The following TCF7L1 variants were observed in gnomAD, a reference collection of about 807,000 sequenced individuals.
TCF7L1 encodes the protein transcription factor 7-like 1.
A neutral mutation model predicts 63.7 loss-of-function variants in TCF7L1; 18 were observed. The observed-to-expected ratio is 0.28, with a 90% CI of 0.20 to 0.42. The LOEUF is 0.42. Among genes scored for constraint, TCF7L1 ranks in the 10% least tolerant of loss-of-function variants. The pLI is 1.00. For missense variants in TCF7L1, 654 were observed against 779.3 expected, an observed-to-expected ratio of 0.84 and a Z score of 1.91; for synonymous variants, 355 against 340.9, an observed-to-expected ratio of 1.04 and a Z score of -0.46.
chr2:85,209,162 GT>G (rs11345909), intron 3 of TCF7L1, among the ~76,000 whole-genome samples: 77,938 of 151,986 alleles, frequency 0.51, 20,367 homozygotes, highest in African/African-American at 0.58. Context: ...GCTGGCCTTC[GT>G]TAAGTTAGGC....
intron 3 of TCF7L1, among the ~76,000 whole-genome samples, chr2:85,242,820 C>T (rs1194665455): frequency 1.3e-5 from 2 of 152,200 alleles, no homozygotes; most frequent in African/African-American, 4.8e-5. Context: ...TCTATATCCC[C>T]TTTTCTCTGC....
At chr2:85,135,585 A>G (rs1677573504) in intron 3 of TCF7L1, among the ~76,000 whole-genome samples, 2 of 151,744 alleles carry the variant, frequency 1.3e-5, no homozygotes, top group African/African-American at 4.8e-5. Context: ...GAGAAAGGCT[A>G]GGTGCTGAAT....
chr2:85,195,116 C>G (rs191761768), intron 3 of TCF7L1, among the ~76,000 whole-genome samples: 154 of 152,360 alleles, frequency 1.0e-3, no homozygotes, highest in African/African-American at 3.6e-3. Context: ...CACCAACTAC[C>G]TCCACTACCT....
At chr2:85,296,966 T>C (rs545786888) in intron 4 of TCF7L1, among the ~76,000 whole-genome samples, 1 of 152,296 alleles carries the variant, frequency 6.6e-6, no homozygotes, top group African/African-American at 2.4e-5. Context: ...TCTATAAAAC[T>C]CAATGAAAAT....
At chr2:85,180,961 G>T (rs57902955) in intron 3 of TCF7L1, among the ~76,000 whole-genome samples, 1 of 152,206 alleles carries the variant, frequency 6.6e-6, no homozygotes, top group Admixed American at 6.5e-5. Flanking sequence ...CTAACAGACG[G>T]TGGCCTTCCC....
chr2:85,185,565 C>T (rs1441407652), intron 3 of TCF7L1, among the ~76,000 whole-genome samples: 1 of 152,128 alleles, frequency 6.6e-6, no homozygotes, highest in Non-Finnish European at 1.5e-5. Flanking sequence ...GCCAGAGCTC[C>T]TCATGGAAGC....
At chr2:85,198,775 C>G (rs746693861) in intron 3 of TCF7L1, among the ~76,000 whole-genome samples, 5 of 152,126 alleles carry the variant, frequency 3.3e-5, no homozygotes, top group Non-Finnish European at 5.9e-5. Context: ...GCAGGAAGAT[C>G]GCATGAGCCC....
rs181491150 is a variant in TCF7L1 at position 85,133,640 on chromosome 2, C to A, written c.-45C>A. ...CGGGCCGGGCCGGGCAGGGCGCGGG[C>A]GGCTAGGGGCTCCGAGAGCGGCGGC... On this transcript the variant is annotated 5_prime_UTR_variant, in exon 1 of 12. Transcript: ENST00000282111. This position sits in a 1 kb window ranked among gnomAD's most constrained non-coding sequence, Gnocchi z 4.4. 0.065 allele frequency: 51,541 copies of A among 794,940 alleles called. 1,887 individuals carry two copies. Among genetic ancestry groups the A allele is most frequent in the Middle Eastern group, 0.11 (165 of 1,540 alleles). The allele number at this position is 794,940 out of a possible 1,614,324, so 49.2% of individuals were successfully genotyped here.
intron 3 of TCF7L1, among the ~76,000 whole-genome samples, chr2:85,195,158 C>T (rs1679126463): frequency 6.6e-6 from 1 of 152,242 alleles, no homozygotes; most frequent in Non-Finnish European, 1.5e-5. Flanking sequence ...AAGTTACCTA[C>T]CCTTTTCTCT....
intron 3 of TCF7L1, among the ~76,000 whole-genome samples, chr2:85,231,141 G>A (rs1248856249): frequency 1.3e-5 from 2 of 152,198 alleles, no homozygotes; most frequent in Non-Finnish European, 2.9e-5. Flanking sequence ...CAGGTCTAAT[G>A]TGCGCCCCCA....
chr2:85,205,130 T>C (rs547152765), intron 3 of TCF7L1: 1 of 152,340 alleles, frequency 6.6e-6, no homozygotes, highest in Non-Finnish European at 1.5e-5. Context: ...TGGTTAGAAT[T>C]TTTATTTTCT....
In TCF7L1 at chr2:85,139,978, AG is replaced by A. The variant is rs149193221; in HGVS notation, c.441+5529del. 5.1e-3 allele frequency among the ~76,000 whole-genome samples: 771 copies of A among 152,262 alleles called. 6 individuals are homozygous for A. Among genetic ancestry groups the A allele is most frequent in the African/African-American group, 0.018 (735 of 41,530 alleles). ...AGGACGAGGACCTGGAAGGGGATAG[AG>A]CAATTAGACTCACAGGAGTCAGGGG... is the stretch of plus-strand genomic sequence containing the variant. On this transcript the variant is annotated intron_variant, in intron 3 of 11. Transcript: ENST00000282111.
intron 3 of TCF7L1, among the ~76,000 whole-genome samples, chr2:85,215,769 G>A (rs1356298815): frequency 1.6e-5 from 2 of 125,426 alleles, no homozygotes; most frequent in Admixed American, 1.5e-4. Flanking sequence ...GGTGGGGGTG[G>A]GGGGGGGTGA....
intron 3 of TCF7L1, among the ~76,000 whole-genome samples, chr2:85,219,321 A>G (rs72932696): frequency 0.11 from 15,999 of 152,208 alleles, 1,717 homozygotes; most frequent in African/African-American, 0.27. Flanking sequence ...TGCGTATTAT[A>G]TTGAGGAATG....
chr2:85,268,364 A>C (rs1681060175), intron 3 of TCF7L1, among the ~76,000 whole-genome samples: 1 of 152,132 alleles, frequency 6.6e-6, no homozygotes, highest in South Asian at 2.1e-4. Flanking sequence ...TTGCACCTCT[A>C]ATTTGGTTAA....
At chr2:85,237,142 G>A (rs1049830094) in intron 3 of TCF7L1, among the ~76,000 whole-genome samples, 1 of 152,208 alleles carries the variant, frequency 6.6e-6, no homozygotes, top group Non-Finnish European at 1.5e-5. Context: ...TCTTAGGACT[G>A]GAGAGGCCCA....
chr2:85,306,133 T>C lies in TCF7L1; in HGVS notation c.990-73T>C. 1 of 1,587,408 alleles carries C rather than the reference T, an allele frequency of 6.3e-7. No individual in the cohort carries two copies. The highest frequency in any genetic ancestry group is 8.6e-7 in the Non-Finnish European group (1 of 1,161,132). On this transcript the variant is annotated intron_variant, in intron 8 of 11. Coordinates refer to ENST00000282111, the MANE Select transcript of TCF7L1 (RefSeq NM_031283.3). The surrounding 1 kb of genome is among the most constrained non-coding windows in gnomAD (Gnocchi z 4.3). Reference sequence around the variant, plus strand: ...CCCTCCCCAGAGACAATCAGCGGTGTTTCAGTGACAGGTGGGGATTGATGA... The same window carrying C: ...CCCTCCCCAGAGACAATCAGCGGTGCTTCAGTGACAGGTGGGGATTGATGA...
intron 3 of TCF7L1, among the ~76,000 whole-genome samples, chr2:85,252,958 A>T (rs1279324701): frequency 3.3e-5 from 5 of 152,312 alleles, no homozygotes; most frequent in African/African-American, 1.2e-4. Context: ...AGGAAATTTT[A>T]GGCCCTTTCT....
At chr2:85,210,689 G>C (rs1401598890) in intron 3 of TCF7L1, among the ~76,000 whole-genome samples, 1 of 152,174 alleles carries the variant, frequency 6.6e-6, no homozygotes, top group Non-Finnish European at 1.5e-5. Context: ...CTTCCATGGG[G>C]CGTGGCAAGG....
Sources: allele counts gnomAD v4.1 joint callset (sites outside exome capture counted in the v4.1 genomes callset), GRCh38; gene constraint gnomAD v4.1.1; non-coding constraint Gnocchi (gnomAD v3.1); transcripts MANE v1.5; gene names NCBI Gene and HGNC (gene_info 2026-07-23, HGNC 2026-07-21).